AHI1: variants seen among roughly 807,000 people sequenced by gnomAD.
AHI1 encodes the protein Abelson helper integration site 1.
AHI1 carries 123 observed loss-of-function variants against 149.3 expected under a neutral mutation model. The observed-to-expected ratio is 0.82, with a 90% CI of 0.71 to 0.96. The LOEUF is 0.96. Among genes scored for constraint, AHI1 ranks in the 40% least tolerant of loss-of-function variants. AHI1 has a pLI of 0.00. For synonymous variants in AHI1, 475 were observed against 459.8 expected (o/e 1.03, Z -0.42); for missense variants, 1,439 against 1,422.7 (o/e 1.01, Z -0.18).
At chr6:135,306,539 C>T (rs1201484774) in intron 26 of AHI1, among the ~76,000 whole-genome samples, 5 of 152,036 alleles carry the variant, frequency 3.3e-5, no homozygotes, top group Non-Finnish European at 5.9e-5. Context: ...TAGGGAAAAA[C>T]AAAAAAGATG....
At chr6:135,491,976 C>G (rs1412435568) in intron 4 of AHI1, among the ~76,000 whole-genome samples, 1 of 152,130 alleles carries the variant, frequency 6.6e-6, no homozygotes, top group Non-Finnish European at 1.5e-5. Flanking sequence ...AAAACTAACC[C>G]TATGTTGTAA....
At chr6:135,419,161 A>G (rs142320201) in intron 20 of AHI1, among the ~76,000 whole-genome samples, 2 of 152,238 alleles carry the variant, frequency 1.3e-5, no homozygotes, top group Middle Eastern at 3.4e-3. Flanking sequence ...TTCAAAATCT[A>G]TAGAGTGATG....
chr6:135,410,525 C>A (rs1195293996), intron 21 of AHI1, among the ~76,000 whole-genome samples: 5 of 152,358 alleles, frequency 3.3e-5, no homozygotes, highest in South Asian at 2.1e-4. Context: ...ACACTCTAAA[C>A]CATAGTTTTC....
At chr6:135,371,270 T>A (rs1244377977) in intron 23 of AHI1, among the ~76,000 whole-genome samples, 1 of 152,234 alleles carries the variant, frequency 6.6e-6, no homozygotes, top group Non-Finnish European at 1.5e-5. Context: ...TAAATCCTTG[T>A]ATATCCAAAT....
chr6:135,435,431 G>A (rs1583218947), intron 15 of AHI1, among the ~76,000 whole-genome samples: 1 of 152,240 alleles, frequency 6.6e-6, no homozygotes, highest in African/African-American at 2.4e-5. Context: ...AATTTTTGTT[G>A]AATGAATAAG....
At chr6:135,319,615 A>C (rs1786502000) in intron 25 of AHI1, among the ~76,000 whole-genome samples, 2 of 152,248 alleles carry the variant, frequency 1.3e-5, no homozygotes, top group African/African-American at 2.4e-5. Context: ...TATTGAATCT[A>C]CATAGGGTAT....
chr6:135,429,531 A>C (rs1234632443), intron 18 of AHI1, among the ~76,000 whole-genome samples: 1 of 151,766 alleles, frequency 6.6e-6, no homozygotes, highest in African/African-American at 2.4e-5. Flanking sequence ...CATAGTGATA[A>C]TATCAGTATC....
At chr6:135,340,202 T>TCTA (rs761848442) in intron 24 of AHI1, among the ~76,000 whole-genome samples, 3 of 152,046 alleles carry the variant, frequency 2.0e-5, no homozygotes, top group Non-Finnish European at 2.9e-5. Flanking sequence ...AAACCCTGTA[T>TCTA]CTACTAAAAA....
intron 26 of AHI1, among the ~76,000 whole-genome samples, chr6:135,303,318 TAAA>T (rs1225706099): frequency 3.9e-5 from 6 of 152,224 alleles, no homozygotes; most frequent in Admixed American, 3.9e-4. Context: ...ACACGAGACT[TAAA>T]TAAGGCAAAT....
chr6:135,408,927 C>T (rs753434014), intron 21 of AHI1, among the ~76,000 whole-genome samples: 1 of 152,118 alleles, frequency 6.6e-6, no homozygotes, highest in Non-Finnish European at 1.5e-5. Context: ...CAGAATGCTA[C>T]ACTACCTTTA....
At chr6:135,464,911 C>T (rs1239500910) in intron 7 of AHI1, among the ~76,000 whole-genome samples, 1 of 152,158 alleles carries the variant, frequency 6.6e-6, no homozygotes, top group Non-Finnish European at 1.5e-5. Flanking sequence ...GATTGCTGGC[C>T]CACAGAAACT....
intron 23 of AHI1, 177 bp downstream of exon 23, chr6:135,394,599 A>G (rs924623248): frequency 3.4e-6 from 3 of 870,416 alleles, no homozygotes; most frequent in Admixed American, 2.5e-5. Context: ...ACCAATTCCA[A>G]ACTTACTTTT....
intron 5 of AHI1, among the ~76,000 whole-genome samples, chr6:135,484,152 C>T (rs1189434671): frequency 1.3e-5 from 2 of 152,158 alleles, no homozygotes; most frequent in African/African-American, 4.8e-5. Flanking sequence ...TCTTGTAAGA[C>T]TTATTCACTA....
At chr6:135,397,486 A>ATTT (rs2128488597) in intron 22 of AHI1, among the ~76,000 whole-genome samples, 1 of 152,164 alleles carries the variant, frequency 6.6e-6, no homozygotes, top group African/African-American at 2.4e-5. Flanking sequence ...GAGAAAACTA[A>ATTT]AAGCATAAAA....
chr6:135,465,801 A>G lies in AHI1; in HGVS notation c.749+13T>C. 6.9e-7 allele frequency: 1 copy of G among 1,442,260 alleles called. No homozygotes were observed. Among genetic ancestry groups the G allele is most frequent in the Non-Finnish European group, 9.1e-7 (1 of 1,098,234 alleles). 89.3% of individuals were successfully genotyped at this position (1,442,260 alleles called of 1,614,324 possible). A position where few individuals can be genotyped will look rare whatever the true frequency, so the allele number is the denominator to read the frequency against. On this transcript the variant is annotated intron_variant, in intron 7 of 28. Coordinates refer to ENST00000265602, the MANE Select transcript of AHI1 (RefSeq NM_001134831.2). ...TCTAAGAGGATATTTTACATTTATC[A>G]ATGCAAAAATACCTTGTTTCAGCTT...
intron 24 of AHI1, among the ~76,000 whole-genome samples, chr6:135,350,417 G>A (rs1445382569): frequency 9.9e-5 from 15 of 152,034 alleles, no homozygotes; most frequent in Non-Finnish European, 2.1e-4. Flanking sequence ...ATACATCTAG[G>A]CCGGCTCTCT....
At chr6:135,401,332 G>A (rs957841103) in intron 22 of AHI1, among the ~76,000 whole-genome samples, 4 of 151,976 alleles carry the variant, frequency 2.6e-5, no homozygotes, top group Non-Finnish European at 4.4e-5. Context: ...ACAATAAAAG[G>A]TTCTTGTTCA....
At chr6:135,288,108 C>A (rs1781909832) in intron 28 of AHI1, among the ~76,000 whole-genome samples, 1 of 151,806 alleles carries the variant, frequency 6.6e-6, no homozygotes, top group South Asian at 2.1e-4. Flanking sequence ...AAAACAAAAA[C>A]AAAACACAAC....
chr6:135,418,496 A>C (rs138772684), intron 20 of AHI1, among the ~76,000 whole-genome samples: 21 of 152,260 alleles, frequency 1.4e-4, no homozygotes, highest in Admixed American at 5.9e-4. Flanking sequence ...TGAGTTAAAC[A>C]ATTATGAAAA....
Sources: allele counts gnomAD v4.1 joint callset (sites outside exome capture counted in the v4.1 genomes callset), GRCh38; gene constraint gnomAD v4.1.1; transcripts MANE v1.5; gene names NCBI Gene and HGNC (gene_info 2026-07-23, HGNC 2026-07-21).